Variants in KCNH7 observed in about 807,000 individuals in gnomAD.
The protein encoded by KCNH7 is potassium voltage-gated channel subfamily H member 7, also known as voltage-gated inwardly rectifying potassium channel KCNH7.
Under a neutral mutation model 120.8 loss-of-function variants are expected in KCNH7, and 49 were observed. The observed-to-expected ratio is 0.41, with a 90% confidence interval of 0.32 to 0.51. The LOEUF is 0.51. Among genes scored for constraint, KCNH7 ranks in the 20% least tolerant of loss-of-function variants. The probability of loss-of-function intolerance (pLI) is 0.38; values close to 1 mark genes in which losing one functional copy is unlikely to be tolerated. For synonymous variants in KCNH7, 547 were observed against 516.1 expected (o/e 1.06, Z -0.81); for missense variants, 1,097 against 1,446.6 (o/e 0.76, Z 3.92).
intron 2 of KCNH7, among the ~76,000 whole-genome samples, chr2:162,554,075 T>C (rs2105864183): frequency 6.6e-6 from 1 of 152,316 alleles, no homozygotes; most frequent in Non-Finnish European, 1.5e-5. Flanking sequence ...AAGCTAATGT[T>C]TACAGGGAAC....
Position 162,379,993 on chromosome 2 carries a change from T to G in KCNH7, c.2991A>C (p.Arg997=). The part of the protein sequence containing the change: ...KDITDMRSWE[R]ENAHPQPEDS... ...CTTCAGGCTGGGGATGTGCATTTTC[T>G]CGTTCCCAGCTTCGCATGTCAGTGA... The change falls in exon 14 of 16, where the codon CGA becomes CGC. Residue 997 remains arginine (R), a synonymous_variant. Coordinates refer to ENST00000332142, the MANE Select transcript of KCNH7 (RefSeq NM_033272.4). 6.2e-7 allele frequency: 1 copy of G among 1,614,032 alleles called. No homozygotes were observed. Among genetic ancestry groups the G allele is most frequent in the Non-Finnish European group, 8.5e-7 (1 of 1,179,912 alleles).
At chr2:162,676,719 A>T (rs1022465692) in intron 2 of KCNH7, among the ~76,000 whole-genome samples, 2 of 151,488 alleles carry the variant, frequency 1.3e-5, no homozygotes, top group Non-Finnish European at 3.0e-5. Flanking sequence ...GAGCTCCAAT[A>T]GTTACTACAG....
intron 2 of KCNH7, among the ~76,000 whole-genome samples, chr2:162,704,573 T>G (rs1206163801): frequency 6.6e-6 from 1 of 152,220 alleles, no homozygotes; most frequent in Non-Finnish European, 1.5e-5. Flanking sequence ...TTTAAATATG[T>G]GGTTCAAAAA....
intron 6 of KCNH7, among the ~76,000 whole-genome samples, chr2:162,490,950 T>C (rs1690280726): frequency 6.6e-6 from 1 of 152,202 alleles, no homozygotes. Flanking sequence ...TGGCCACAGG[T>C]ATGCACTCCC....
intron 6 of KCNH7, among the ~76,000 whole-genome samples, chr2:162,478,541 T>A (rs1212053293): frequency 6.6e-6 from 1 of 152,202 alleles, no homozygotes; most frequent in East Asian, 1.9e-4. Context: ...TATAATCTTA[T>A]AGGCTAGATA....
chr2:162,690,910 C>T (rs1019634241), intron 2 of KCNH7, among the ~76,000 whole-genome samples: 1 of 152,180 alleles, frequency 6.6e-6, no homozygotes, highest in Non-Finnish European at 1.5e-5. Context: ...CAGATCCCTG[C>T]ATTCTTATTA....
chr2:162,703,674 AT>A (rs948247531), intron 2 of KCNH7, among the ~76,000 whole-genome samples: 14 of 152,194 alleles, frequency 9.2e-5, no homozygotes, highest in African/African-American at 3.4e-4. Flanking sequence ...TTTAAAACTG[AT>A]TAAAAAATAC....
At chr2:162,613,735 G>C (rs950672676) in intron 2 of KCNH7, among the ~76,000 whole-genome samples, 3 of 151,778 alleles carry the variant, frequency 2.0e-5, no homozygotes, top group African/African-American at 7.3e-5. Context: ...ATCATGGATG[G>C]TATAAAACAA....
intron 9 of KCNH7, among the ~76,000 whole-genome samples, chr2:162,401,406 G>A (rs1283633578): frequency 2.0e-5 from 3 of 151,750 alleles, no homozygotes; most frequent in Admixed American, 6.6e-5. Context: ...GAGGAATGGG[G>A]CATTATATAG....
intron 2 of KCNH7, among the ~76,000 whole-genome samples, chr2:162,830,721 G>T (rs1685450414): frequency 6.6e-6 from 1 of 152,132 alleles, no homozygotes; most frequent in African/African-American, 2.4e-5. Context: ...TCCTGAATGG[G>T]ATTAATGCCT....
intron 2 of KCNH7, among the ~76,000 whole-genome samples, chr2:162,581,204 T>C (rs756666766): frequency 1.3e-5 from 2 of 152,072 alleles, no homozygotes; most frequent in East Asian, 1.9e-4. Context: ...ATAATAGTGG[T>C]TGCTTTCTTT....
intron 2 of KCNH7, among the ~76,000 whole-genome samples, chr2:162,805,662 G>A (rs1684513327): frequency 6.6e-6 from 1 of 152,060 alleles, no homozygotes; most frequent in Non-Finnish European, 1.5e-5. Flanking sequence ...AACCTCTATG[G>A]AAAACAGTAT....
At chr2:162,491,979 G>T (rs1170753059) in intron 6 of KCNH7, among the ~76,000 whole-genome samples, 1 of 152,038 alleles carries the variant, frequency 6.6e-6, no homozygotes. Flanking sequence ...ATCCTCAAAT[G>T]GGGAAAAGTT....
At chr2:162,724,545 G>A (rs541874114) in intron 2 of KCNH7, among the ~76,000 whole-genome samples, 53 of 149,886 alleles carry the variant, frequency 3.5e-4, no homozygotes, top group Non-Finnish European at 7.1e-4. Context: ...AGTGGCGGGC[G>A]CCTGTAGTCC....
chr2:162,634,383 A>G (rs145750054), intron 2 of KCNH7, among the ~76,000 whole-genome samples: 24 of 152,186 alleles, frequency 1.6e-4, no homozygotes, highest in Non-Finnish European at 3.2e-4. Context: ...AGGATGACGT[A>G]TTGACAAGGG....
At chr2:162,762,464 T>C (rs1419060433) in intron 2 of KCNH7, among the ~76,000 whole-genome samples, 2 of 152,006 alleles carry the variant, frequency 1.3e-5, no homozygotes, top group African/African-American at 4.8e-5. Context: ...GAAGAAAGAC[T>C]ATGGATTTTA....
intron 2 of KCNH7, among the ~76,000 whole-genome samples, chr2:162,601,929 G>T (rs1469355408): frequency 1.3e-5 from 2 of 151,980 alleles, no homozygotes; most frequent in Non-Finnish European, 2.9e-5. Context: ...GAGATAAAAA[G>T]AAATTATTAC....
intron 8 of KCNH7, among the ~76,000 whole-genome samples, chr2:162,428,226 G>T (rs1052363284): frequency 6.6e-6 from 1 of 150,690 alleles, no homozygotes; most frequent in African/African-American, 2.5e-5. Context: ...AAAATAGTTT[G>T]TAATTTTCCA....
At chr2:162,377,022 G>T (rs956205171) in intron 14 of KCNH7, among the ~76,000 whole-genome samples, 1 of 152,138 alleles carries the variant, frequency 6.6e-6, no homozygotes, top group Non-Finnish European at 1.5e-5. Context: ...GTATTTGAAT[G>T]AGACAAATGG....
Sources: allele counts gnomAD v4.1 joint callset (sites outside exome capture counted in the v4.1 genomes callset), GRCh38; gene constraint gnomAD v4.1.1; transcripts MANE v1.5; gene names NCBI Gene and HGNC (gene_info 2026-07-23, HGNC 2026-07-21).